Variants in ILKAP observed in about 807,000 individuals in gnomAD.
ILKAP encodes the protein ILK associated serine/threonine phosphatase, also known as integrin-linked kinase-associated serine/threonine phosphatase 2C.
ILKAP carries 11 observed loss-of-function variants against 49.1 expected under a neutral mutation model. The observed-to-expected ratio is 0.22, with a 90% confidence interval of 0.14 to 0.37. The LOEUF is 0.37. Ranked by LOEUF, ILKAP falls within the 10% of genes least tolerant of loss-of-function variation. The probability of loss-of-function intolerance (pLI) is 1.00; values close to 1 mark genes in which losing one functional copy is unlikely to be tolerated. For missense variants in ILKAP, 363 were observed against 510.8 expected, an observed-to-expected ratio of 0.71 and a Z score of 2.79; for synonymous variants, 186 against 192.8, an observed-to-expected ratio of 0.96 and a Z score of 0.29.
chr2:238,185,058 A>G (rs1350842605), intron 6 of ILKAP, 123 bp downstream of exon 6: 25 of 639,144 alleles, frequency 3.9e-5, no homozygotes, highest in Non-Finnish European at 2.8e-6. Flanking sequence ...CCTCAGCACC[A>G]CTCTTTTAAG....
In ILKAP at chr2:238,171,040, G is replaced by A; in HGVS notation, c.957-16C>T. ...CAAAATGAACCTACAACACCAGGGA[G>A]AAATATAAACGGGTTTTAGGCCCAA... On this transcript the variant is annotated splice_polypyrimidine_tract_variant and intron_variant, in intron 10 of 11. Coordinates refer to ENST00000254654, the MANE Select transcript of ILKAP (RefSeq NM_030768.3). The A allele has an allele frequency of 1.3e-6, 2 of 1,599,092 alleles. No individual in the cohort carries two copies. The highest frequency in any genetic ancestry group is 1.7e-6 in the Non-Finnish European group (2 of 1,170,070).
chr2:238,201,941 G>A lies in ILKAP; in HGVS notation c.55+1558C>T, dbSNP rs137985062. Among the ~76,000 whole-genome samples, 482 of 152,274 alleles carry A rather than the reference G, an allele frequency of 3.2e-3. 2 individuals carry two copies. The highest frequency in any genetic ancestry group is 0.011 in the African/African-American group (462 of 41,560). ...CTCTGTACCATCAGAACGGTCAGTG[G>A]GGGCAGGGCACGGTGGCTCACACCT... On this transcript the variant is annotated intron_variant, in intron 1 of 11. Transcript: ENST00000254654.
rs1319894033 is a variant in ILKAP, at chr2:238,181,979, G to T, written c.836+86C>A. ...CGTCACACTGAAGACTACGTAACAG[G>T]GGAAGTTCTACTCCTTGAAGGTCTC... On this transcript the variant is annotated intron_variant, in intron 9 of 11. Transcript: ENST00000254654. The T allele has an allele frequency of 2.1e-6, 3 of 1,421,126 alleles. No homozygotes were observed. In the Admixed American group the frequency reaches 5.6e-5, roughly 27 times the overall value. 88.0% of individuals were successfully genotyped at this position (1,421,126 alleles called of 1,614,324 possible). A position where few individuals can be genotyped will look rare whatever the true frequency, so the allele number is the denominator to read the frequency against.
At chr2:238,196,215 T>C (rs1020866607) in intron 1 of ILKAP, among the ~76,000 whole-genome samples, 2 of 150,612 alleles carry the variant, frequency 1.3e-5, no homozygotes, top group African/African-American at 4.9e-5. Flanking sequence ...CCCAGCCTCC[T>C]GAGTAGGTGA....
chr2:238,185,561 T>C (rs1446144500), intron 5 of ILKAP: 1 of 293,310 alleles, frequency 3.4e-6, no homozygotes, highest in Non-Finnish European at 6.5e-6. Flanking sequence ...CCCAGCGCTT[T>C]GGGAGGCCGA....
At chr2:238,185,695 T>C (rs1368772199) in intron 5 of ILKAP, 1 of 160,480 alleles carries the variant, frequency 6.2e-6, no homozygotes, top group South Asian at 1.6e-4. Context: ...TCCCAGCTAC[T>C]CGGGAGGCTG....
At chr2:238,203,433 G>A (rs1694661090) in intron 1 of ILKAP, 66 bp downstream of exon 1, 1 of 883,772 alleles carries the variant, frequency 1.1e-6, no homozygotes. Flanking sequence ...GCCGCCCCGG[G>A]CCTCAGGCCG....
chr2:238,200,739 C>A (rs1224542845), intron 1 of ILKAP, among the ~76,000 whole-genome samples: 1 of 152,246 alleles, frequency 6.6e-6, no homozygotes, highest in Non-Finnish European at 1.5e-5. Context: ...GAAGAATCAC[C>A]TGTGCCCACG....
intron 1 of ILKAP, 92 bp from the exon 2 acceptor site, chr2:238,194,962 C>G (rs7558210): frequency 0.32 from 318,313 of 994,636 alleles, 52,622 homozygotes; most frequent in South Asian, 0.38. Flanking sequence ...CCTGCTTTGA[C>G]ACAAGTTTGC....
intron 9 of ILKAP, among the ~76,000 whole-genome samples, chr2:238,178,812 G>T (rs7560864): frequency 1.3e-5 from 2 of 151,926 alleles, no homozygotes; most frequent in Non-Finnish European, 2.9e-5. Context: ...TTTTTTTTAA[G>T]CAAAAGTCTT....
chr2:238,184,056 T>C lies in ILKAP; in HGVS notation c.590A>G (p.His197Arg), dbSNP rs1432817415. ...TTGTTTAAGGAACTCTTCATCAGTATGCTTGAAAGTGTCCAAAAGGCATCT... is the reference window on the plus strand; with the variant it reads ...TTGTTTAAGGAACTCTTCATCAGTACGCTTGAAAGTGTCCAAAAGGCATCT... ...VKRCLLDTFK[H>R]TDEEFLKQAS... The change falls in exon 7 of 12, where the codon CAT (histidine) becomes CGT (arginine). Residue 197 changes from histidine (H) to arginine (R), a missense_variant. This residue lies in a region of ILKAP where 166 missense variants were observed against 307.3 expected (regional missense o/e 0.54). Transcript: ENST00000254654. 4.3e-6 allele frequency: 7 copies of C among 1,611,538 alleles called. No homozygotes were observed. Among genetic ancestry groups the C allele is most frequent in the Non-Finnish European group, 8.5e-7 (1 of 1,177,714 alleles).
At chr2:238,186,838 T>A (rs1445046229) in intron 5 of ILKAP, 1 of 152,238 alleles carries the variant, frequency 6.6e-6, no homozygotes, top group Non-Finnish European at 1.5e-5. Flanking sequence ...CTCATCTGGT[T>A]TATAACTCAG....
chr2:238,193,468 G>A (rs188546246), intron 3 of ILKAP, among the ~76,000 whole-genome samples: 22 of 152,298 alleles, frequency 1.4e-4, no homozygotes, highest in African/African-American at 4.3e-4. Context: ...TGATCTACCC[G>A]CCTTGGCTTC....
At chr2:238,176,378 G>T (rs540512168) in intron 9 of ILKAP, among the ~76,000 whole-genome samples, 51 of 152,084 alleles carry the variant, frequency 3.4e-4, no homozygotes, top group African/African-American at 1.2e-3. Flanking sequence ...TGATCCACCC[G>T]CCTTGGCCCC....
intron 9 of ILKAP, among the ~76,000 whole-genome samples, chr2:238,180,096 C>A (rs1432963724): frequency 6.6e-6 from 1 of 151,586 alleles, no homozygotes; most frequent in African/African-American, 2.4e-5. Flanking sequence ...GCTTCAACCT[C>A]AGAGGTCAAG....
At chr2:238,203,393 CCGCCGCCTCCCAGCGCGGG>C (rs1694659387) in intron 1 of ILKAP, 87 bp downstream of exon 1, 1 of 396,634 alleles carries the variant, frequency 2.5e-6, no homozygotes, top group Non-Finnish European at 3.6e-6. Context: ...CCCGCGCCGC[CCGCCGCCTCCCAGCGCGGG>C]CGCCGCCTCA....
At chr2:238,173,925 C>T (rs1281580663) in intron 9 of ILKAP, 10 of 434,076 alleles carry the variant, frequency 2.3e-5, no homozygotes, top group South Asian at 2.1e-4. Flanking sequence ...GCTTAACCTT[C>T]GACAGGACTC....
intron 10 of ILKAP, among the ~76,000 whole-genome samples, chr2:238,171,562 C>T (rs1017381658): frequency 2.6e-5 from 4 of 152,238 alleles, no homozygotes; most frequent in African/African-American, 9.6e-5. Flanking sequence ...TGAGACTATC[C>T]TTCTCTTCGC....
At chr2:238,181,519 C>T (rs181494806) in intron 9 of ILKAP, among the ~76,000 whole-genome samples, 1 of 152,270 alleles carries the variant, frequency 6.6e-6, no homozygotes, top group East Asian at 1.9e-4. Flanking sequence ...CCCAAGAAGT[C>T]CAAAGACATT....
Sources: allele counts gnomAD v4.1 joint callset (sites outside exome capture counted in the v4.1 genomes callset), GRCh38; gene constraint gnomAD v4.1.1; regional missense constraint gnomAD v4.1.1; transcripts MANE v1.5; gene names NCBI Gene and HGNC (gene_info 2026-07-23, HGNC 2026-07-21).